Variants in TANC1 observed in about 807,000 individuals in gnomAD.
TANC1 encodes the protein tetratricopeptide repeat, ankyrin repeat and coiled-coil containing 1.
In TANC1, 77 loss-of-function variants were observed where a neutral mutation model predicts 149.7. That is an observed-to-expected ratio of 0.51 (90% CI 0.43 to 0.62). The LOEUF is 0.62. Among genes scored for constraint, TANC1 ranks in the 20% least tolerant of loss-of-function variants. The probability of loss-of-function intolerance (pLI) is 0.00; values close to 1 mark genes in which losing one functional copy is unlikely to be tolerated. For synonymous variants in TANC1, 854 were observed against 925.0 expected, an observed-to-expected ratio of 0.92 and a Z score of 1.39; for missense variants, 1,985 against 2,321.8, an observed-to-expected ratio of 0.85 and a Z score of 2.98.
chr2:159,143,849 A>C (rs774850232), intron 5 of TANC1, among the ~76,000 whole-genome samples: 6 of 152,158 alleles, frequency 3.9e-5, no homozygotes, highest in Non-Finnish European at 7.3e-5. Context: ...TCAAAAGTAC[A>C]GCTTTTTACC....
intron 2 of TANC1, among the ~76,000 whole-genome samples, chr2:159,032,219 A>G (rs2039838519): frequency 6.6e-6 from 1 of 152,220 alleles, no homozygotes; most frequent in Non-Finnish European, 1.5e-5. Flanking sequence ...ATGGATGAGA[A>G]TAATGAATGG....
chr2:159,125,848 A>G (rs1414780791), intron 4 of TANC1, among the ~76,000 whole-genome samples: 1 of 152,124 alleles, frequency 6.6e-6, no homozygotes, highest in African/African-American at 2.4e-5. Context: ...TCGGTCTCCC[A>G]AAGTGCTGGG....
At chr2:159,144,922 T>A (rs554382296) in intron 5 of TANC1, among the ~76,000 whole-genome samples, 42 of 152,206 alleles carry the variant, frequency 2.8e-4, no homozygotes, top group Non-Finnish European at 4.4e-4. Context: ...CTTGGACACT[T>A]GGTATTAAGT....
At chr2:159,152,659 A>G (rs1391162756) in intron 7 of TANC1, among the ~76,000 whole-genome samples, 1 of 151,890 alleles carries the variant, frequency 6.6e-6, no homozygotes, top group Non-Finnish European at 1.5e-5. Flanking sequence ...TTAGCTCATT[A>G]AAAAATTTTT....
chr2:159,011,954 G>T (rs1198530084), intron 2 of TANC1, among the ~76,000 whole-genome samples: 1 of 152,032 alleles, frequency 6.6e-6, no homozygotes, highest in South Asian at 2.1e-4. Flanking sequence ...GGAAGGGCTG[G>T]GACCCATCCC....
At position 158,974,282 on chromosome 2, in the gene TANC1, A is replaced by C. The variant is rs376323885; in HGVS notation, c.-126+5500A>C. ...ATGATTCATTGAGGGCCATTGCTGCAATAGTTTACAACATTATAACCATCC... is the reference window on the plus strand; with the variant it reads ...ATGATTCATTGAGGGCCATTGCTGCCATAGTTTACAACATTATAACCATCC... On this transcript the variant is annotated intron_variant, in intron 1 of 26. Coordinates refer to ENST00000263635, the MANE Select transcript of TANC1 (RefSeq NM_033394.3). Among the ~76,000 whole-genome samples, 53 of 152,340 alleles carry C rather than the reference A, an allele frequency of 3.5e-4. No individual in the cohort carries two copies. In the East Asian group the frequency reaches 9.5e-3, roughly 27 times the overall value.
Position 159,229,862 on chromosome 2 carries a change from C to T in TANC1, c.4436C>T (p.Pro1479Leu). The T allele has an allele frequency of 1.2e-6, 2 of 1,614,172 alleles. No homozygotes were observed. Among genetic ancestry groups the T allele is most frequent in the Non-Finnish European group, 1.7e-6 (2 of 1,180,046 alleles). Residue 1479 changes from proline (P) to leucine (L), a missense_variant, in exon 27 of 27, where the codon CCA (proline) becomes CTA (leucine). This residue lies in a region of TANC1 where 920 missense variants were observed against 994.7 expected (regional missense o/e 0.92). Transcript: ENST00000263635. ...GTTTCCCCAACTCCCAGGTCCCAGC[C>T]ATCCTCATCTGTCCCTTCCTCATAC... Reference protein sequence around the residue: ...ESVSPTPRSQPSSSVPSSYIR... With the variant: ...ESVSPTPRSQLSSSVPSSYIR...
chr2:159,090,640 G>A (rs2045428581), intron 3 of TANC1, among the ~76,000 whole-genome samples: 1 of 152,220 alleles, frequency 6.6e-6, no homozygotes, highest in African/African-American at 2.4e-5. Flanking sequence ...GTGCTGGCAA[G>A]GAAATGTAGA....
intron 9 of TANC1, 74 bp downstream of exon 9, chr2:159,169,446 C>A (rs2054951430): frequency 3.3e-6 from 5 of 1,495,918 alleles, no homozygotes; most frequent in Non-Finnish European, 4.6e-6. Flanking sequence ...CTGTGATAAC[C>A]AGCATTGAAG....
In TANC1 at chr2:159,205,775, A is replaced by C. The variant is rs185120853; in HGVS notation, c.3244+6722A>C. ...GTGTGGCCTTTCTCAGGAAGTATCC[A>C]CCTCATTAGGTGATGCATGCACATC... On this transcript the variant is annotated intron_variant, in intron 19 of 26. Transcript: ENST00000263635. 5.3e-4 allele frequency among the ~76,000 whole-genome samples: 81 copies of C among 152,340 alleles called. 2 individuals are homozygous for C. Among genetic ancestry groups the C allele is most frequent in the Middle Eastern group, 6.8e-3 (2 of 294 alleles).
intron 8 of TANC1, among the ~76,000 whole-genome samples, chr2:159,167,504 C>T (rs1436451579): frequency 2.0e-5 from 3 of 152,208 alleles, no homozygotes; most frequent in African/African-American, 7.2e-5. Context: ...AAATCCCCAA[C>T]AAGTAATTAG....
intron 19 of TANC1, among the ~76,000 whole-genome samples, chr2:159,203,818 C>T (rs1019199450): frequency 2.0e-5 from 3 of 151,942 alleles, no homozygotes; most frequent in African/African-American, 7.3e-5. Flanking sequence ...CTCAAGCAGT[C>T]CTCCTGACTC....
chr2:158,985,914 T>C (rs1332317767), intron 1 of TANC1, among the ~76,000 whole-genome samples: 1 of 152,190 alleles, frequency 6.6e-6, no homozygotes, highest in Non-Finnish European at 1.5e-5. Flanking sequence ...GTGCTGCGAT[T>C]ATAAGCATGA....
At chr2:159,049,822 G>C (rs2041339082) in intron 2 of TANC1, among the ~76,000 whole-genome samples, 1 of 152,212 alleles carries the variant, frequency 6.6e-6, no homozygotes, top group South Asian at 2.1e-4. Flanking sequence ...GAAGTGGGGA[G>C]AGGAAGATGG....
intron 4 of TANC1, among the ~76,000 whole-genome samples, chr2:159,116,719 G>A (rs183069806): frequency 7.2e-4 from 110 of 152,316 alleles, no homozygotes; most frequent in African/African-American, 2.6e-3. Flanking sequence ...CCCCTGGGCT[G>A]TAGTTGGCCA....
intron 3 of TANC1, among the ~76,000 whole-genome samples, chr2:159,089,420 C>T (rs1008557389): frequency 6.6e-6 from 1 of 152,130 alleles, no homozygotes; most frequent in Non-Finnish European, 1.5e-5. Flanking sequence ...CCCACCTCCA[C>T]CCCTCCCTGC....
In TANC1 at chr2:159,196,768, C is replaced by T. The variant is rs780771967; in HGVS notation, c.3140C>T (p.Ala1047Val). The T allele has an allele frequency of 2.5e-6, 4 of 1,612,308 alleles. No homozygotes were observed. The highest frequency in any genetic ancestry group is 2.5e-6 in the Non-Finnish European group (3 of 1,179,658). ...KSHALQQALT[A>V]AASMGHSSVV... Reference sequence around the variant, plus strand: ...CACGCCCTGCAGCAGGCGCTGACCGCGGCGGCCAGCATGGGCCACAGCTCG... The same window carrying T: ...CACGCCCTGCAGCAGGCGCTGACCGTGGCGGCCAGCATGGGCCACAGCTCG... The change falls in exon 18 of 27, where the codon GCG becomes GTG. Residue 1047 changes from alanine (A) to valine (V), a missense_variant. By Grantham distance (64) the Ala-to-Val change is moderately conservative (BLOSUM62 0). This residue lies in a region of TANC1 where 508 missense variants were observed against 714.2 expected (regional missense o/e 0.71). Coordinates refer to ENST00000263635, the MANE Select transcript of TANC1 (RefSeq NM_033394.3).
At chr2:159,224,393 G>A (rs764347379) in intron 23 of TANC1, 29 bp downstream of exon 23, 2 of 1,613,584 alleles carry the variant, frequency 1.2e-6, no homozygotes, top group Admixed American at 1.7e-5. Flanking sequence ...CATTGAGCAG[G>A]AGGAGCGGTG....
intron 2 of TANC1, among the ~76,000 whole-genome samples, chr2:159,047,626 C>T (rs1325916160): frequency 6.6e-6 from 1 of 152,138 alleles, no homozygotes; most frequent in Non-Finnish European, 1.5e-5. Context: ...GACCTGGAAG[C>T]CCCCTCCCCA....
Sources: allele counts gnomAD v4.1 joint callset (sites outside exome capture counted in the v4.1 genomes callset), GRCh38; gene constraint gnomAD v4.1.1; regional missense constraint gnomAD v4.1.1; transcripts MANE v1.5; gene names NCBI Gene and HGNC (gene_info 2026-07-23, HGNC 2026-07-21).